LAPTM4B: variants seen among roughly 807,000 people sequenced by gnomAD.
LAPTM4B encodes lysosomal-associated transmembrane protein 4B.
Under a neutral mutation model 28.5 loss-of-function variants are expected in LAPTM4B, and 26 were observed. That is an observed-to-expected ratio of 0.91 (90% CI 0.67 to 1.27). The LOEUF (loss-of-function observed/expected upper bound fraction) is 1.27. LAPTM4B is among the 50% of genes most tolerant of loss of function. The probability of loss-of-function intolerance (pLI) is 0.00; values close to 1 mark genes in which losing one functional copy is unlikely to be tolerated. For missense variants in LAPTM4B, 288 were observed against 285.8 expected (o/e 1.01, Z -0.06); for synonymous variants, 109 against 106.4 (o/e 1.02, Z -0.15).
intron 1 of LAPTM4B, among the ~76,000 whole-genome samples, chr8:97,789,695 A>T (rs1031840579): frequency 4.0e-5 from 6 of 150,550 alleles, no homozygotes; most frequent in African/African-American, 1.5e-4. Flanking sequence ...TTTTTTTTGT[A>T]TTTTTAGTAG....
At chr8:97,805,573 T>TTGTC (rs955526862) in intron 2 of LAPTM4B, 109 bp downstream of exon 2, 1 of 692,458 alleles carries the variant, frequency 1.4e-6, no homozygotes, top group African/African-American at 1.8e-5. Context: ...GATATATAAC[T>TTGTC]TGTCATTGCA....
chr8:97,789,683 A>G (rs973633904), intron 1 of LAPTM4B, among the ~76,000 whole-genome samples: 1 of 151,094 alleles, frequency 6.6e-6, no homozygotes, highest in African/African-American at 2.4e-5. Flanking sequence ...ATACCTGGCT[A>G]ATTTTTTTTG....
At chr8:97,848,714 A>G (rs1399716609) in intron 6 of LAPTM4B, among the ~76,000 whole-genome samples, 2 of 152,240 alleles carry the variant, frequency 1.3e-5, no homozygotes, top group Non-Finnish European at 2.9e-5. Context: ...AAAGATAAGT[A>G]TATGAATCAG....
At chr8:97,776,332 G>A (rs918844112) in intron 1 of LAPTM4B, among the ~76,000 whole-genome samples, 2 of 152,272 alleles carry the variant, frequency 1.3e-5, no homozygotes, top group Non-Finnish European at 2.9e-5. Context: ...GGGGCGCGGG[G>A]CGGAGGGCCG....
chr8:97,785,301 T>C (rs1404749399), intron 1 of LAPTM4B, among the ~76,000 whole-genome samples: 1 of 152,100 alleles, frequency 6.6e-6, no homozygotes, highest in Non-Finnish European at 1.5e-5. Context: ...GGTCTAGAAC[T>C]CTTGACCTCA....
chr8:97,811,887 C>T (rs1336789237), intron 2 of LAPTM4B, among the ~76,000 whole-genome samples: 1 of 152,122 alleles, frequency 6.6e-6, no homozygotes, highest in Non-Finnish European at 1.5e-5. Context: ...CTCACTGCAA[C>T]CTCTGCCTCA....
At chr8:97,784,268 T>A (rs1313563285) in intron 1 of LAPTM4B, among the ~76,000 whole-genome samples, 1 of 152,210 alleles carries the variant, frequency 6.6e-6, no homozygotes, top group Non-Finnish European at 1.5e-5. Context: ...CGGACTGATT[T>A]GTGGCAATTG....
chr8:97,826,543 T>TGTTTGTTTTTTGA (rs142956092), intron 6 of LAPTM4B, among the ~76,000 whole-genome samples: 1 of 151,874 alleles, frequency 6.6e-6, no homozygotes, highest in Non-Finnish European at 1.5e-5. Flanking sequence ...TAACTTTTTT[T>TGTTTGTTTTTTGA]GTTCGCCCAG....
At chr8:97,814,155 G>A (rs1470092893) in intron 2 of LAPTM4B, among the ~76,000 whole-genome samples, 1 of 152,106 alleles carries the variant, frequency 6.6e-6, no homozygotes, top group East Asian at 1.9e-4. Flanking sequence ...TCACACCACT[G>A]CAACTCCAGA....
intron 1 of LAPTM4B, among the ~76,000 whole-genome samples, chr8:97,800,817 T>A (rs1321869454): frequency 6.6e-6 from 1 of 151,962 alleles, no homozygotes. Context: ...TTGTTACACT[T>A]AGAATAAAAT....
At chr8:97,834,308 A>G (rs1214725604) in intron 6 of LAPTM4B, among the ~76,000 whole-genome samples, 1 of 152,134 alleles carries the variant, frequency 6.6e-6, no homozygotes, top group Non-Finnish European at 1.5e-5. Context: ...TTTAAAAAAT[A>G]AAAAAGGGAG....
chr8:97,792,337 C>T (rs146297117), intron 1 of LAPTM4B, among the ~76,000 whole-genome samples: 2 of 152,220 alleles, frequency 1.3e-5, no homozygotes, highest in Non-Finnish European at 2.9e-5. Flanking sequence ...CTCACTACAT[C>T]CTTGACCTCC....
intron 1 of LAPTM4B, among the ~76,000 whole-genome samples, chr8:97,790,774 C>T (rs1244546449): frequency 6.6e-6 from 1 of 151,438 alleles, no homozygotes; most frequent in Non-Finnish European, 1.5e-5. Context: ...AAGTCTGGCT[C>T]TATTGCCCAG....
chr8:97,809,138 C>T (rs1271985584), intron 2 of LAPTM4B, among the ~76,000 whole-genome samples: 7 of 152,118 alleles, frequency 4.6e-5, no homozygotes, highest in Non-Finnish European at 1.0e-4. Flanking sequence ...TTAAGCCTAT[C>T]ATGTCAGATA....
intron 1 of LAPTM4B, among the ~76,000 whole-genome samples, chr8:97,779,255 C>T (rs1388986104): frequency 6.6e-6 from 1 of 151,960 alleles, no homozygotes; most frequent in Non-Finnish European, 1.5e-5. Context: ...CTGAGGCGGG[C>T]AGATCATTGG....
At chr8:97,800,445 G>A (rs2129759522) in intron 1 of LAPTM4B, among the ~76,000 whole-genome samples, 1 of 145,758 alleles carries the variant, frequency 6.9e-6, no homozygotes, top group South Asian at 2.2e-4. Context: ...ACTCTGGCCA[G>A]ATGACATTCT....
chr8:97,816,470 T>C (rs543736957), intron 4 of LAPTM4B, among the ~76,000 whole-genome samples: 28 of 152,082 alleles, frequency 1.8e-4, no homozygotes, highest in Non-Finnish European at 3.8e-4. Context: ...GCTAATTTTG[T>C]ATTTTTAGTA....
intron 1 of LAPTM4B, among the ~76,000 whole-genome samples, chr8:97,799,416 G>A (rs901121701): frequency 2.0e-5 from 3 of 152,290 alleles, no homozygotes; most frequent in African/African-American, 7.2e-5. Context: ...AGAACTAAAA[G>A]CAGATGAGTC....
chr8:97,833,876 A>G (rs1292777012), intron 6 of LAPTM4B, among the ~76,000 whole-genome samples: 3 of 152,186 alleles, frequency 2.0e-5, no homozygotes, highest in Non-Finnish European at 4.4e-5. Context: ...TTGTATAAAG[A>G]GAAGCTTTCC....
Sources: allele counts gnomAD v4.1 joint callset (sites outside exome capture counted in the v4.1 genomes callset), GRCh38; gene constraint gnomAD v4.1.1; transcripts MANE v1.5; gene names NCBI Gene and HGNC (gene_info 2026-07-23, HGNC 2026-07-21).